ANTXRL: variants seen among roughly 807,000 people sequenced by gnomAD.
ANTXRL encodes the protein ANTXR like, also known as anthrax toxin receptor-like.
A neutral mutation model predicts 75.4 loss-of-function variants in ANTXRL; 63 were observed. The observed-to-expected ratio is 0.84, with a 90% CI of 0.68 to 1.03. ANTXRL has a LOEUF of 1.03. Among genes scored for constraint, ANTXRL ranks in the 50% least tolerant of loss-of-function variants. ANTXRL has a pLI of 0.00. For synonymous variants in ANTXRL, 335 were observed against 291.3 expected, an observed-to-expected ratio of 1.15 and a Z score of -1.53; for missense variants, 797 against 789.4, an observed-to-expected ratio of 1.01 and a Z score of -0.12.
chr10:46,324,952 G>C (rs1350898679), intron 16 of ANTXRL, among the ~76,000 whole-genome samples: 5 of 152,102 alleles, frequency 3.3e-5, no homozygotes, highest in Non-Finnish European at 5.9e-5. Flanking sequence ...GATTAGGCGG[G>C]TTCAGATATG....
chr10:46,292,711 A>G (rs11259777), intron 2 of ANTXRL: 13,664 of 158,142 alleles, frequency 0.086, 1,595 homozygotes, highest in African/African-American at 0.27. Context: ...AGGAGCTGGG[A>G]TTTCCTGCTC....
In ANTXRL at chr10:46,306,815, C is replaced by A. The variant is rs201326948; in HGVS notation, c.908C>A (p.Thr303Asn). The change falls in exon 11 of 17, where the codon ACC (threonine) becomes AAC (asparagine). Residue 303 changes from threonine (T) to asparagine (N), a missense_variant. Physicochemically the swap from Thr to Asn is moderately conservative, Grantham distance 65. Around this residue, in one of 3 missense-constraint regions of ANTXRL, gnomAD observed 479 missense variants for 422.0 expected, o/e 1.14. Transcript: ENST00000620264. The stretch of plus-strand genomic sequence containing the variant: ...CATTTTCTTTTAGATGAAAAGCCAA[C>A]CAGTATCGACAATAATTCCATGAAT... ...NESTIIDEKP[T>N]SIDNNSMNCP... 695 of 1,527,470 alleles carry A rather than the reference C, an allele frequency of 4.6e-4. 3 individuals carry two copies. The highest frequency in any genetic ancestry group is 5.8e-4 in the Non-Finnish European group (660 of 1,143,458). 94.6% of individuals were successfully genotyped at this position (1,527,470 alleles called of 1,614,324 possible).
At chr10:46,308,198 C>T (rs1838206262) in intron 12 of ANTXRL, among the ~76,000 whole-genome samples, 1 of 152,188 alleles carries the variant, frequency 6.6e-6, no homozygotes, top group Non-Finnish European at 1.5e-5. Context: ...TGGGTCTATC[C>T]TTGCCTGTCC....
intron 1 of ANTXRL, among the ~76,000 whole-genome samples, chr10:46,289,757 A>C (rs1331147220): frequency 6.6e-6 from 1 of 151,788 alleles, no homozygotes; most frequent in Non-Finnish European, 1.5e-5. Flanking sequence ...AACCCAAAAA[A>C]CTTCTATTTC....
intron 10 of ANTXRL, 58 bp downstream of exon 10, chr10:46,302,878 C>T (rs1393088253): frequency 4.5e-6 from 6 of 1,335,564 alleles, no homozygotes; most frequent in African/African-American, 4.4e-5. Flanking sequence ...GCTGCCTTTC[C>T]CCACAGCCAG....
chr10:46,317,336 CAT>C (rs1403817956), intron 16 of ANTXRL, among the ~76,000 whole-genome samples: 3 of 152,196 alleles, frequency 2.0e-5, no homozygotes, highest in African/African-American at 4.8e-5. Flanking sequence ...GAAATTTACA[CAT>C]GATACATTTG....
Position 46,293,367 on chromosome 10 carries a change from T to C in ANTXRL, c.321-462T>C, listed in dbSNP as rs568763483. Reference sequence around the variant, plus strand: ...GTGCGTGCATGTGTGTGCATGTGAGTGTGCCTGTGTGTGAGTGTGTGCCTG... The same window carrying C: ...GTGCGTGCATGTGTGTGCATGTGAGCGTGCCTGTGTGTGAGTGTGTGCCTG... On this transcript the variant is annotated intron_variant, in intron 2 of 16. Transcript: ENST00000620264. 2.7e-3 allele frequency among the ~76,000 whole-genome samples: 395 copies of C among 146,824 alleles called. 1 individual carries two copies. Among genetic ancestry groups the C allele is most frequent in the African/African-American group, 9.4e-3 (374 of 39,632 alleles).
chr10:46,315,796 CATA>C (rs782097022), intron 16 of ANTXRL, among the ~76,000 whole-genome samples: 3 of 152,172 alleles, frequency 2.0e-5, no homozygotes, highest in Non-Finnish European at 2.9e-5. Context: ...CATTTTGGCA[CATA>C]ATAATGCAGG....
At position 46,293,393 on chromosome 10, in the gene ANTXRL, TGTGTGTGA is replaced by T. The variant is rs539778805; in HGVS notation, c.321-428_321-421del. 2.8e-3 allele frequency among the ~76,000 whole-genome samples: 412 copies of T among 145,178 alleles called. 1 individual carries two copies. Among genetic ancestry groups the T allele is most frequent in the African/African-American group, 8.3e-3 (326 of 39,134 alleles). ...GTGCCTGTGTGTGAGTGTGTGCCTG[TGTGTGTGA>T]GTGTGTGCCTGTGTGTGGGTGTGTG... is the stretch of plus-strand genomic sequence containing the variant. On this transcript the variant is annotated intron_variant, in intron 2 of 16. Transcript: ENST00000620264.
At chr10:46,295,947 C>T (rs375308077) in intron 3 of ANTXRL, 72 bp from the exon 4 acceptor site, 24 of 1,298,410 alleles carry the variant, frequency 1.8e-5, no homozygotes, top group African/African-American at 5.9e-5. Flanking sequence ...CAGTGGCTCC[C>T]GGAGAGCTTG....
At chr10:46,303,893 C>T (rs1837907858) in intron 10 of ANTXRL, among the ~76,000 whole-genome samples, 1 of 152,070 alleles carries the variant, frequency 6.6e-6, no homozygotes, top group South Asian at 2.1e-4. Flanking sequence ...CCCCTTGATA[C>T]ATTCATTTGA....
intron 3 of ANTXRL, among the ~76,000 whole-genome samples, chr10:46,295,803 C>G (rs1183428241): frequency 6.6e-6 from 1 of 152,126 alleles, no homozygotes; most frequent in Non-Finnish European, 1.5e-5. Flanking sequence ...GTGAAGTTCC[C>G]CAGGCCTGCA....
At chr10:46,308,761 C>T in intron 12 of ANTXRL, 3 of 364,814 alleles carry the variant, frequency 8.2e-6, no homozygotes, top group South Asian at 2.4e-5. Context: ...ACCCGGGTCT[C>T]CTGCCCCTGC....
At position 46,306,864 on chromosome 10, in the gene ANTXRL, A is replaced by T. The variant is rs1554962050; in HGVS notation, c.957A>T (p.Lys319Asn). 2.0e-6 allele frequency: 3 copies of T among 1,529,916 alleles called. No homozygotes were observed. Among genetic ancestry groups the T allele is most frequent in the South Asian group, 2.4e-5 (2 of 83,108 alleles). 94.8% of individuals were successfully genotyped at this position (1,529,916 alleles called of 1,614,324 possible). ...ATTGCCCTGGGCCAAAACTAGAAAA[A>T]CCTGGAGAGTAAGTGCCCCTGGCAG... ...SMNCPGPKLE[K>N]PGEEYSIEVS... The change falls in exon 11 of 17, where the codon AAA (lysine) becomes AAT (asparagine). Residue 319 changes from lysine to asparagine, a missense_variant. Lys to Asn is a moderately conservative substitution (Grantham distance 94). This residue lies in a region of ANTXRL where 479 missense variants were observed against 422.0 expected (regional missense o/e 1.14). Transcript: ENST00000620264.
At chr10:46,295,991 G>C (rs782762540) in intron 3 of ANTXRL, 28 bp from the exon 4 acceptor site, 3 of 1,523,274 alleles carry the variant, frequency 2.0e-6, no homozygotes, top group Non-Finnish European at 2.6e-6. Context: ...GTCTTTCCAG[G>C]TCAACCACCT....
chr10:46,297,685 G>A (rs1311467863), intron 7 of ANTXRL, 146 bp from the exon 8 acceptor site: 1 of 865,260 alleles, frequency 1.2e-6, no homozygotes, highest in Non-Finnish European at 1.8e-6. Flanking sequence ...CTAAGAGTGG[G>A]CTGCTGGCTG....
chr10:46,309,007 G>A (rs781883408), intron 12 of ANTXRL, 106 bp from the exon 13 acceptor site: 131 of 1,473,492 alleles, frequency 8.9e-5, no homozygotes, highest in Non-Finnish European at 8.7e-5. Flanking sequence ...GTACCCGGAT[G>A]CGGGGCCAGC....
intron 13 of ANTXRL, among the ~76,000 whole-genome samples, 158 bp downstream of exon 13, chr10:46,309,360 C>T (rs7089650): frequency 0.031 from 4,723 of 152,276 alleles, 227 homozygotes; most frequent in African/African-American, 0.11. Flanking sequence ...CCTGTCCACA[C>T]GTTCCCAGAG....
At chr10:46,298,560 G>A (rs1209896415) in intron 9 of ANTXRL, among the ~76,000 whole-genome samples, 1 of 151,604 alleles carries the variant, frequency 6.6e-6, no homozygotes, top group Non-Finnish European at 1.5e-5. Context: ...TGTCTGGCAT[G>A]AGTGGGGGTC....
Sources: allele counts gnomAD v4.1 joint callset (sites outside exome capture counted in the v4.1 genomes callset), GRCh38; gene constraint gnomAD v4.1.1; regional missense constraint gnomAD v4.1.1; transcripts MANE v1.5; gene names NCBI Gene and HGNC (gene_info 2026-07-23, HGNC 2026-07-21).